SLC1A3: variants seen among roughly 807,000 people sequenced by gnomAD.
SLC1A3 encodes the protein excitatory amino acid transporter 1.
SLC1A3 carries 21 observed loss-of-function variants against 48.1 expected under a neutral mutation model. The ratio of observed to expected loss-of-function variants is 0.44; its 90% CI spans 0.31 to 0.63. The LOEUF (loss-of-function observed/expected upper bound fraction) is 0.63, where lower values mean the gene tolerates loss of function less well. Among genes scored for constraint, SLC1A3 ranks in the 20% least tolerant of loss-of-function variants. The pLI, the probability that SLC1A3 is intolerant of heterozygous loss-of-function variation, is 0.08. For synonymous variants in SLC1A3, 239 were observed against 251.4 expected, an observed-to-expected ratio of 0.95 and a Z score of 0.47; for missense variants, 546 against 689.0, an observed-to-expected ratio of 0.79 and a Z score of 2.32.
chr5:36,624,205 G>A (rs1251222085), intron 2 of SLC1A3, among the ~76,000 whole-genome samples: 1 of 152,200 alleles, frequency 6.6e-6, no homozygotes, highest in Non-Finnish European at 1.5e-5. Context: ...TGTTGACTTC[G>A]TTAAGTAAAA....
chr5:36,658,476 T>C (rs1215340999), intron 3 of SLC1A3, among the ~76,000 whole-genome samples: 1 of 152,210 alleles, frequency 6.6e-6, no homozygotes, highest in Non-Finnish European at 1.5e-5. Flanking sequence ...TGATGCATAT[T>C]GAGTCTATAG....
chr5:36,656,439 TTAAG>T (rs1179905445), intron 3 of SLC1A3, among the ~76,000 whole-genome samples: 4 of 152,224 alleles, frequency 2.6e-5, no homozygotes, highest in Non-Finnish European at 5.9e-5. Context: ...ATTTGTTCCC[TTAAG>T]TCTTTTCTCC....
intron 1 of SLC1A3, 102 bp from the exon 2 acceptor site, chr5:36,608,227 T>G (rs1430345406): frequency 1.7e-6 from 1 of 583,896 alleles, no homozygotes; most frequent in African/African-American, 1.9e-5. Flanking sequence ...CCTTGATTCC[T>G]GCTGAGATTA....
upstream of SLC1A3, among the ~76,000 whole-genome samples, chr5:36,603,757 T>G (rs1187722065): frequency 6.6e-6 from 1 of 152,204 alleles, no homozygotes; most frequent in Admixed American, 6.5e-5. Context: ...GTCTTAGCAT[T>G]CTACAATTTC....
chr5:36,683,138 T>C (rs1357749468), intron 8 of SLC1A3, among the ~76,000 whole-genome samples: 3 of 152,222 alleles, frequency 2.0e-5, no homozygotes, highest in Non-Finnish European at 2.9e-5. Context: ...TCAGTAACTT[T>C]ACAACCCTCC....
At position 36,629,518 on chromosome 5, in the gene SLC1A3, C is replaced by A; in HGVS notation, c.250C>A (p.Pro84Thr). 1 of 1,611,852 alleles carries A rather than the reference C, an allele frequency of 6.2e-7. No homozygotes were observed. The highest frequency in any genetic ancestry group is 1.1e-5 in the South Asian group (1 of 91,026). Residue 84 changes from proline (P) to threonine (T), a missense_variant, in exon 3 of 10, where the codon CCT becomes ACT. By Grantham distance (38) the Pro-to-Thr change is conservative. This residue lies in a region of SLC1A3 where 348 missense variants were observed against 392.0 expected (regional missense o/e 0.89). Coordinates refer to ENST00000265113, the MANE Select transcript of SLC1A3 (RefSeq NM_004172.5). ...CCGGGAAGTCAAGTACTTCTCCTTT[C>A]CTGGGGAACTTCTGATGAGGATGTT... The part of the protein sequence containing the change: ...SYREVKYFSF[P>T]GELLMRMLQM...
chr5:36,615,524 G>A (rs991245311), intron 2 of SLC1A3, among the ~76,000 whole-genome samples: 1 of 152,116 alleles, frequency 6.6e-6, no homozygotes, highest in Non-Finnish European at 1.5e-5. Context: ...AGGGCCCCTG[G>A]CTCTGGGTCT....
At chr5:36,632,005 G>A (rs914507658) in intron 3 of SLC1A3, among the ~76,000 whole-genome samples, 1 of 152,218 alleles carries the variant, frequency 6.6e-6, no homozygotes, top group Non-Finnish European at 1.5e-5. Flanking sequence ...CAGTGGCCAC[G>A]TGGGTGATGC....
chr5:36,682,101 AT>A (rs1339281952), intron 8 of SLC1A3, among the ~76,000 whole-genome samples: 4 of 152,232 alleles, frequency 2.6e-5, no homozygotes, highest in Non-Finnish European at 5.9e-5. Context: ...AATAGTAAGA[AT>A]CTTAAACATA....
intron 5 of SLC1A3, 61 bp from the exon 6 acceptor site, chr5:36,676,831 G>GA: frequency 7.5e-7 from 1 of 1,334,232 alleles, no homozygotes; most frequent in South Asian, 1.3e-5. Context: ...TTGACAATAG[G>GA]AAAATATAAA....
At chr5:36,651,568 A>T (rs1457979029) in intron 3 of SLC1A3, among the ~76,000 whole-genome samples, 2 of 35,554 alleles carry the variant, frequency 5.6e-5, no homozygotes, top group African/African-American at 1.0e-4. Context: ...CCCCACTCCC[A>T]CCCTAGTGTC....
At chr5:36,652,851 C>T (rs1741139040) in intron 3 of SLC1A3, among the ~76,000 whole-genome samples, 1 of 152,172 alleles carries the variant, frequency 6.6e-6, no homozygotes, top group African/African-American at 2.4e-5. Flanking sequence ...AAAAATTGAA[C>T]TACAGAAATT....
At chr5:36,596,961 G>C (rs1448697429) in intron 1 of SLC1A3, among the ~76,000 whole-genome samples, 1 of 151,966 alleles carries the variant, frequency 6.6e-6, no homozygotes, top group African/African-American at 2.4e-5. Context: ...GAATGTTGCC[G>C]CCTGGGGGTT....
intron 3 of SLC1A3, among the ~76,000 whole-genome samples, chr5:36,667,473 G>T (rs562583807): frequency 6.6e-6 from 1 of 152,320 alleles, no homozygotes; most frequent in African/African-American, 2.4e-5. Context: ...TCCATAAAAA[G>T]AGAGGTATAG....
At chr5:36,629,327 A>G in intron 2 of SLC1A3, 123 bp from the exon 3 acceptor site, 2 of 829,082 alleles carry the variant, frequency 2.4e-6, no homozygotes, top group Non-Finnish European at 3.9e-6. Context: ...AAAGCAGCAC[A>G]GATATTTGCT....
At chr5:36,651,113 T>C (rs1741042322) in intron 3 of SLC1A3, among the ~76,000 whole-genome samples, 1 of 126,254 alleles carries the variant, frequency 7.9e-6, no homozygotes, top group African/African-American at 3.2e-5. Context: ...AGATGTGATA[T>C]ATAAGAGTAG....
intron 3 of SLC1A3, among the ~76,000 whole-genome samples, chr5:36,644,011 CAAAAAATAAATAAATA>C (rs1256436535): frequency 0.011 from 1,488 of 139,274 alleles, 26 homozygotes; most frequent in African/African-American, 0.039. Context: ...GACTCCGTCT[CAAAAAATAAATAAATA>C]AATAAATAAA....
chr5:36,661,527 C>A (rs569264458), intron 3 of SLC1A3, among the ~76,000 whole-genome samples: 95 of 152,280 alleles, frequency 6.2e-4, no homozygotes, highest in Admixed American at 4.1e-3. Flanking sequence ...AAGCAACAAA[C>A]AACTTCAGTC....
chr5:36,664,702 G>T (rs1379983755), intron 3 of SLC1A3, among the ~76,000 whole-genome samples: 2 of 152,042 alleles, frequency 1.3e-5, no homozygotes, highest in African/African-American at 4.8e-5. Flanking sequence ...CTTCATGAAG[G>T]CACACATTTA....
Sources: allele counts gnomAD v4.1 joint callset (sites outside exome capture counted in the v4.1 genomes callset), GRCh38; gene constraint gnomAD v4.1.1; regional missense constraint gnomAD v4.1.1; transcripts MANE v1.5; gene names NCBI Gene and HGNC (gene_info 2026-07-23, HGNC 2026-07-21).